Variants in AKAP13 observed in about 807,000 individuals in gnomAD.
The protein encoded by AKAP13 is A-kinase anchoring protein 13.
A neutral mutation model predicts 264.5 loss-of-function variants in AKAP13; 80 were observed. The ratio of observed to expected loss-of-function variants is 0.30; its 90% CI spans 0.25 to 0.36. The LOEUF (loss-of-function observed/expected upper bound fraction) is 0.36. Among genes scored for constraint, AKAP13 ranks in the 10% least tolerant of loss-of-function variants. The pLI is 1.00. For synonymous variants in AKAP13, 1,380 were observed against 1,250.2 expected (o/e 1.10, Z -2.19); for missense variants, 3,712 against 3,435.2 (o/e 1.08, Z -2.01).
intron 10 of AKAP13, among the ~76,000 whole-genome samples, chr15:85,646,596 G>A (rs1255014985): frequency 1.3e-5 from 2 of 152,146 alleles, no homozygotes; most frequent in Non-Finnish European, 2.9e-5. Flanking sequence ...GGGCAGCAAG[G>A]ACCGCAGCTC....
intron 8 of AKAP13, among the ~76,000 whole-genome samples, chr15:85,588,894 T>C (rs1291881302): frequency 6.6e-6 from 1 of 152,216 alleles, no homozygotes. Flanking sequence ...ATAAGAAGCC[T>C]GAGAACCATG....
intron 1 of AKAP13, among the ~76,000 whole-genome samples, chr15:85,477,389 G>A (rs1331101484): frequency 1.3e-5 from 2 of 151,760 alleles, no homozygotes; most frequent in African/African-American, 2.4e-5. Context: ...TGTAATTTGG[G>A]ATTGGGATTA....
chr15:85,625,868 A>G (rs552153329), intron 8 of AKAP13, among the ~76,000 whole-genome samples: 1 of 152,334 alleles, frequency 6.6e-6, no homozygotes, highest in East Asian at 1.9e-4. Flanking sequence ...GATGAATAGA[A>G]CCAAGACTAG....
intron 30 of AKAP13, among the ~76,000 whole-genome samples, chr15:85,732,771 CTG>C (rs1482861587): frequency 6.7e-6 from 1 of 149,922 alleles, no homozygotes; most frequent in African/African-American, 2.4e-5. Flanking sequence ...ATTGCTAATA[CTG>C]TTAGTAATAC....
intron 1 of AKAP13, among the ~76,000 whole-genome samples, chr15:85,464,783 A>G (rs2074660241): frequency 6.6e-6 from 1 of 152,178 alleles, no homozygotes; most frequent in Non-Finnish European, 1.5e-5. Flanking sequence ...CAATAAGGTT[A>G]TGTCGGTTTA....
intron 4 of AKAP13, 65 bp from the exon 5 acceptor site, chr15:85,543,707 T>C: frequency 1.3e-6 from 2 of 1,505,302 alleles, no homozygotes; most frequent in Non-Finnish European, 8.9e-7. Context: ...AACTTGTCTT[T>C]ATGTTTGTTT....
chr15:85,625,273 A>G (rs1184280132), intron 8 of AKAP13, among the ~76,000 whole-genome samples: 1 of 152,208 alleles, frequency 6.6e-6, no homozygotes, highest in Admixed American at 6.5e-5. Context: ...GTAAATCTGA[A>G]TAGAAAGATA....
At chr15:85,482,632 G>A (rs144208555) in intron 1 of AKAP13, among the ~76,000 whole-genome samples, 12 of 152,284 alleles carry the variant, frequency 7.9e-5, no homozygotes, top group African/African-American at 2.9e-4. Context: ...GTCAGACTGG[G>A]TTTGAATCTG....
intron 10 of AKAP13, among the ~76,000 whole-genome samples, chr15:85,647,508 T>A (rs1005768123): frequency 1.5e-5 from 2 of 133,070 alleles, no homozygotes; most frequent in Admixed American, 1.6e-4. Flanking sequence ...CTTCCTTTCA[T>A]TTTTGGCCTT....
chr15:85,474,172 G>C (rs1458805160), intron 1 of AKAP13, among the ~76,000 whole-genome samples: 1 of 152,178 alleles, frequency 6.6e-6, no homozygotes, highest in Non-Finnish European at 1.5e-5. Flanking sequence ...AGTAGCAGTG[G>C]TTAAAAAACA....
rs374117090 is a variant in AKAP13, at chr15:85,616,271, G to T, written c.4162-23103G>T. On this transcript the variant is annotated intron_variant, in intron 8 of 36. Coordinates refer to ENST00000394518, the MANE Select transcript of AKAP13 (RefSeq NM_007200.5). ...TTCTGCCCTAACTGGAACTAAAGCA[G>T]CCACAGTGTTGACCCATAAGAATGC... 1.3e-4 allele frequency among the ~76,000 whole-genome samples: 20 copies of T among 152,328 alleles called. No individual in the cohort carries two copies. In the East Asian group the frequency reaches 3.7e-3, roughly 28 times the overall value.
intron 8 of AKAP13, among the ~76,000 whole-genome samples, chr15:85,613,715 A>ATATGTATATATATATATATATATAT (rs1421387238): frequency 3.9e-5 from 3 of 77,128 alleles, no homozygotes; most frequent in Admixed American, 2.8e-4. Context: ...TATATATATT[A>ATATGTATATATATATATATATATAT]GGAGTGCTGA....
At chr15:85,675,142 T>C (rs1405654929) in intron 14 of AKAP13, among the ~76,000 whole-genome samples, 2 of 152,228 alleles carry the variant, frequency 1.3e-5, no homozygotes, top group Admixed American at 1.3e-4. Context: ...GTAAGATTTT[T>C]CCTTATGATC....
intron 1 of AKAP13, among the ~76,000 whole-genome samples, chr15:85,442,809 A>G (rs1250228886): frequency 7.9e-5 from 12 of 151,920 alleles, no homozygotes; most frequent in Admixed American, 5.9e-4. Flanking sequence ...CTACTGAAGG[A>G]TTCAGGCCTT....
intron 10 of AKAP13, among the ~76,000 whole-genome samples, chr15:85,651,037 T>C (rs773871966): frequency 4.6e-5 from 7 of 152,092 alleles, no homozygotes; most frequent in Non-Finnish European, 8.8e-5. Flanking sequence ...ATTAAAGGAC[T>C]AGTATTTTGG....
Position 85,612,012 on chromosome 15 carries a change from G to A in AKAP13, c.4161+26189G>A, listed in dbSNP as rs567089426. ...TTTAATATCCATTTTGTTCACTGCC[G>A]TATCCTCGATGCCAAGCGTACATGT... is the stretch of plus-strand genomic sequence containing the variant. On this transcript the variant is annotated intron_variant, in intron 8 of 36. Coordinates refer to ENST00000394518, the MANE Select transcript of AKAP13 (RefSeq NM_007200.5). 6.6e-5 allele frequency among the ~76,000 whole-genome samples: 10 copies of A among 152,278 alleles called. No homozygotes were observed. The South Asian group carries it at 8.3e-4, about 13-fold the overall frequency.
chr15:85,566,026 T>C (rs2078593777), intron 5 of AKAP13, among the ~76,000 whole-genome samples: 1 of 152,208 alleles, frequency 6.6e-6, no homozygotes. Context: ...CATGGTAACA[T>C]TGGTGCATGG....
intron 19 of AKAP13, among the ~76,000 whole-genome samples, chr15:85,715,358 T>A (rs1366193786): frequency 6.6e-6 from 1 of 152,208 alleles, no homozygotes; most frequent in African/African-American, 2.4e-5. Context: ...AGTCTTTTGC[T>A]TTTACCAATG....
intron 9 of AKAP13, among the ~76,000 whole-genome samples, chr15:85,643,936 A>G (rs996059367): frequency 1.3e-5 from 2 of 152,192 alleles, no homozygotes; most frequent in Non-Finnish European, 2.9e-5. Flanking sequence ...TGTGGTCTGG[A>G]TGGCACATAG....
Sources: gnomAD v4.1 joint callset for allele counts (sites outside exome capture counted in the v4.1 genomes callset) on GRCh38, gnomAD v4.1.1 for gene constraint, MANE v1.5 for transcripts, NCBI Gene and HGNC (gene_info 2026-07-23, HGNC 2026-07-21) for gene names.